The following GPM6A variants were observed in gnomAD, a reference collection of about 807,000 sequenced individuals.
GPM6A encodes the protein glycoprotein M6A.
A neutral mutation model predicts 32.1 loss-of-function variants in GPM6A; 7 were observed. The ratio of observed to expected loss-of-function variants is 0.22; its 90% CI spans 0.12 to 0.41. GPM6A has a LOEUF of 0.41. GPM6A is among the 10% of genes least tolerant of loss of function. The pLI is 1.00. For synonymous variants in GPM6A, 130 were observed against 123.4 expected (o/e 1.05, Z -0.35); for missense variants, 235 against 347.2 (o/e 0.68, Z 2.57).
At chr4:175,913,740 GTCACTTTC>G (rs1738395866) in intron 1 of GPM6A, among the ~76,000 whole-genome samples, 6 of 151,980 alleles carry the variant, frequency 3.9e-5, no homozygotes. Context: ...TTGCCAAAAC[GTCACTTTC>G]TCAATGAGGC....
chr4:175,876,302 C>T (rs1427466808), intron 1 of GPM6A, among the ~76,000 whole-genome samples: 1 of 152,128 alleles, frequency 6.6e-6, no homozygotes, highest in African/African-American at 2.4e-5. Context: ...CCCTACCAGA[C>T]TGTGCTAGAG....
chr4:175,954,108 G>C (rs1489772647), intron 1 of GPM6A, among the ~76,000 whole-genome samples: 1 of 152,186 alleles, frequency 6.6e-6, no homozygotes, highest in Non-Finnish European at 1.5e-5. Context: ...CTAGAGGGCA[G>C]TATAGTCTAG....
At chr4:175,905,423 T>C (rs1196055557) in intron 1 of GPM6A, among the ~76,000 whole-genome samples, 2 of 152,090 alleles carry the variant, frequency 1.3e-5, no homozygotes, top group African/African-American at 4.8e-5. Context: ...AATGTTAGTG[T>C]ATTTTATGTG....
At chr4:175,988,068 C>A (rs1293396829) in intron 1 of GPM6A, among the ~76,000 whole-genome samples, 2 of 152,062 alleles carry the variant, frequency 1.3e-5, no homozygotes, top group African/African-American at 4.8e-5. Context: ...CCCAAATCTA[C>A]CTTTATCTAG....
At chr4:175,960,549 C>T (rs980335266) in intron 1 of GPM6A, among the ~76,000 whole-genome samples, 56 of 152,260 alleles carry the variant, frequency 3.7e-4, no homozygotes, top group African/African-American at 1.3e-3. Flanking sequence ...AGGTATTAAG[C>T]GCCAGATCCA....
chr4:175,904,353 A>C (rs904769388), intron 1 of GPM6A, among the ~76,000 whole-genome samples: 1 of 152,170 alleles, frequency 6.6e-6, no homozygotes, highest in Non-Finnish European at 1.5e-5. Context: ...GCATTCTTAG[A>C]CTTGAGCTAA....
rs533493859 is a variant in GPM6A at position 175,645,146 on chromosome 4, A to G, written c.542-4317T>C. 2.0e-5 allele frequency among the ~76,000 whole-genome samples: 3 copies of G among 152,222 alleles called. No homozygotes were observed. The East Asian group carries it at 5.8e-4, about 29-fold the overall frequency. The stretch of plus-strand genomic sequence containing the variant: ...GAAACTAGGCAAGAGAAGCATTAAG[A>G]ACTGGGTGCAAAGAGAATTGGGGAG... On this transcript the variant is annotated intron_variant, in intron 4 of 6. Transcript: ENST00000393658.
At chr4:175,999,525 CT>C (rs113311022) in intron 1 of GPM6A, among the ~76,000 whole-genome samples, 28,231 of 145,792 alleles carry the variant, frequency 0.19, 2,689 homozygotes, top group Non-Finnish European at 0.23. Flanking sequence ...TTGCAAATAA[CT>C]TTTTTTTTTT....
chr4:175,759,461 T>C (rs979526629), intron 1 of GPM6A, among the ~76,000 whole-genome samples: 5 of 152,196 alleles, frequency 3.3e-5, no homozygotes, highest in Admixed American at 3.3e-4. Context: ...GCTAAATAAT[T>C]TTTGTTATGA....
At position 175,758,858 on chromosome 4, in the gene GPM6A, G is replaced by A. The variant is rs535538377; in HGVS notation, c.37+53333C>T. Among the ~76,000 whole-genome samples, 9 of 152,120 alleles carry A rather than the reference G, an allele frequency of 5.9e-5. No homozygotes were observed. The South Asian group carries it at 1.9e-3, about 32-fold the overall frequency. On this transcript the variant is annotated intron_variant, in intron 1 of 6. Transcript: ENST00000393658. ...CAGCTTTCAATTTTGTTTTTAAAAGGGATTGCAACATCAAGTTTTATTTCC... is the reference window on the plus strand; with the variant it reads ...CAGCTTTCAATTTTGTTTTTAAAAGAGATTGCAACATCAAGTTTTATTTCC...
chr4:175,858,904 A>G (rs1736493056), intron 1 of GPM6A, among the ~76,000 whole-genome samples: 1 of 152,238 alleles, frequency 6.6e-6, no homozygotes, highest in Admixed American at 6.5e-5. Context: ...AAATGGAAGA[A>G]ATTCTTGAAA....
Position 175,762,045 on chromosome 4 carries a change from C to T in GPM6A, c.37+50146G>A, listed in dbSNP as rs571758316. 9.2e-5 allele frequency among the ~76,000 whole-genome samples: 14 copies of T among 152,266 alleles called. No individual in the cohort carries two copies. The East Asian group carries it at 1.7e-3, about 19-fold the overall frequency. On this transcript the variant is annotated intron_variant, in intron 1 of 6. Coordinates refer to ENST00000393658, the MANE Select transcript of GPM6A (RefSeq NM_201591.3). The stretch of plus-strand genomic sequence containing the variant: ...TTGACCTCAGGTAATCCAGCCACCT[C>T]GGCTTCCCAAAGTGCTGGGATTATA...
At chr4:176,000,124 G>A (rs889911563) in intron 1 of GPM6A, among the ~76,000 whole-genome samples, 1 of 151,828 alleles carries the variant, frequency 6.6e-6, no homozygotes, top group Non-Finnish European at 1.5e-5. Flanking sequence ...TCTCTATTTC[G>A]CTCACCTCTG....
chr4:175,990,635 G>A (rs1452421789), intron 1 of GPM6A, among the ~76,000 whole-genome samples: 1 of 148,916 alleles, frequency 6.7e-6, no homozygotes, highest in African/African-American at 2.5e-5. Flanking sequence ...GCTTTTGGGG[G>A]TGAAGTAGTT....
intron 1 of GPM6A, among the ~76,000 whole-genome samples, chr4:175,871,529 T>C (rs1055273591): frequency 4.6e-5 from 7 of 152,186 alleles, no homozygotes; most frequent in Admixed American, 3.9e-4. Context: ...CCTTTCCTCC[T>C]GATTTCTGAA....
Position 175,659,086 on chromosome 4 carries a change from CT to C in GPM6A, c.388-7100del, listed in dbSNP as rs563940419. ...ATAAATTGTTTTTGTTTTTGTTTTC[CT>C]TTTTTTTTTTTTGAGACAAAGTCTC... On this transcript the variant is annotated intron_variant, in intron 3 of 6. Transcript: ENST00000393658. Among the ~76,000 whole-genome samples, 929 of 143,420 alleles carry C rather than the reference CT, an allele frequency of 6.5e-3. 6 individuals are homozygous for C. The highest frequency in any genetic ancestry group is 0.016 in the African/African-American group (645 of 39,358). The allele number at this position is 143,420 out of a possible 152,430, so 94.1% of individuals were successfully genotyped here. A position where few individuals can be genotyped will look rare whatever the true frequency, so the allele number is the denominator to read the frequency against.
At chr4:175,854,789 CA>C (rs2111408716) in intron 1 of GPM6A, among the ~76,000 whole-genome samples, 1 of 152,238 alleles carries the variant, frequency 6.6e-6, no homozygotes, top group Non-Finnish European at 1.5e-5. Context: ...TGGAGATCCA[CA>C]GAGGGTTTGC....
chr4:175,809,446 T>A (rs1008366582), intron 1 of GPM6A, among the ~76,000 whole-genome samples: 1 of 152,118 alleles, frequency 6.6e-6, no homozygotes, highest in Non-Finnish European at 1.5e-5. Flanking sequence ...AGTAAGTGGC[T>A]TTCATTTAGA....
At chr4:175,728,179 T>C (rs1731265090) in intron 1 of GPM6A, among the ~76,000 whole-genome samples, 1 of 152,032 alleles carries the variant, frequency 6.6e-6, no homozygotes, top group Non-Finnish European at 1.5e-5. Context: ...TTAGAAATAT[T>C]AGAGAGAATG....
Sources: gnomAD v4.1 joint callset for allele counts (sites outside exome capture counted in the v4.1 genomes callset) on GRCh38, gnomAD v4.1.1 for gene constraint, MANE v1.5 for transcripts, NCBI Gene and HGNC (gene_info 2026-07-23, HGNC 2026-07-21) for gene names.